Variants in PDE4B observed in about 807,000 individuals in gnomAD.
PDE4B encodes 3',5'-cyclic-AMP phosphodiesterase 4B.
In PDE4B, 20 loss-of-function variants were observed where a neutral mutation model predicts 82.2. That is an observed-to-expected ratio of 0.24 (90% CI 0.17 to 0.35). The LOEUF is 0.35. Ranked by LOEUF, PDE4B falls within the 10% of genes least tolerant of loss-of-function variation. The pLI, the probability that PDE4B is intolerant of heterozygous loss-of-function variation, is 1.00. For synonymous variants in PDE4B, 320 were observed against 318.9 expected (o/e 1.00, Z -0.04); for missense variants, 655 against 907.2 (o/e 0.72, Z 3.57).
At chr1:66,121,315 A>G (rs564228843) in intron 3 of PDE4B, among the ~76,000 whole-genome samples, 18 of 152,264 alleles carry the variant, frequency 1.2e-4, no homozygotes, top group African/African-American at 3.6e-4. Context: ...AAAATGGTAG[A>G]ATTTGCTCCA....
chr1:66,058,472 C>T (rs1655417630), intron 3 of PDE4B, among the ~76,000 whole-genome samples: 1 of 152,266 alleles, frequency 6.6e-6, no homozygotes. Flanking sequence ...CCCTTCTACA[C>T]TGGCCTAGCA....
intron 3 of PDE4B, among the ~76,000 whole-genome samples, chr1:66,034,295 A>T (rs554313016): frequency 6.6e-6 from 1 of 152,260 alleles, no homozygotes; most frequent in Non-Finnish European, 1.5e-5. Flanking sequence ...TTAAATAACA[A>T]GTAGTTGAAA....
intron 3 of PDE4B, among the ~76,000 whole-genome samples, chr1:66,076,336 G>A (rs963252122): frequency 6.6e-6 from 1 of 152,090 alleles, no homozygotes; most frequent in Non-Finnish European, 1.5e-5. Context: ...CTGCATCTAC[G>A]TTGCTGCAAA....
chr1:66,059,315 C>G (rs565593790), intron 3 of PDE4B, among the ~76,000 whole-genome samples: 1 of 152,292 alleles, frequency 6.6e-6, no homozygotes, highest in South Asian at 2.1e-4. Flanking sequence ...TTGTCTTCTT[C>G]TGAGCCCACC....
chr1:65,824,380 G>A (rs1645990989), intron 1 of PDE4B, among the ~76,000 whole-genome samples: 1 of 151,982 alleles, frequency 6.6e-6, no homozygotes, highest in Non-Finnish European at 1.5e-5. Flanking sequence ...ATGAAAAACA[G>A]TAATATTTTA....
intron 3 of PDE4B, among the ~76,000 whole-genome samples, chr1:66,146,572 T>G (rs1180599804): frequency 2.6e-5 from 4 of 152,152 alleles, no homozygotes; most frequent in African/African-American, 9.7e-5. Context: ...ACAACTCCAC[T>G]GTTCAAATCA....
At chr1:66,169,186 T>C (rs11805090) in intron 3 of PDE4B, among the ~76,000 whole-genome samples, 13,994 of 152,216 alleles carry the variant, frequency 0.092, 1,425 homozygotes, top group African/African-American at 0.24. Context: ...GAGTATAATT[T>C]GTCACTCTGG....
Position 65,869,178 on chromosome 1 carries a change from T to C in PDE4B, c.-70-44067T>C, listed in dbSNP as rs1255995073. Among the ~76,000 whole-genome samples, 14 of 152,346 alleles carry C rather than the reference T, an allele frequency of 9.2e-5. No homozygotes were observed. In the South Asian group the frequency reaches 2.5e-3, roughly 27 times the overall value. ...GTAGGCATGTAATGCAGTTAAATCA[T>C]TGTCCGTTTCAGATACAATCTATCC... On this transcript the variant is annotated intron_variant, in intron 1 of 16. Coordinates refer to ENST00000341517, the MANE Select transcript of PDE4B (RefSeq NM_002600.4).
intron 13 of PDE4B, among the ~76,000 whole-genome samples, chr1:66,366,276 T>C (rs756305114): frequency 6.6e-6 from 1 of 152,070 alleles, no homozygotes; most frequent in Non-Finnish European, 1.5e-5. Flanking sequence ...GTTCCATACA[T>C]TTTCTTCCAA....
chr1:66,005,960 T>A (rs989467805), intron 3 of PDE4B, among the ~76,000 whole-genome samples: 1 of 152,152 alleles, frequency 6.6e-6, no homozygotes, highest in Non-Finnish European at 1.5e-5. Flanking sequence ...ACCTTATGTA[T>A]TATAGTATGA....
chr1:66,337,712 T>C (rs1660640662), intron 8 of PDE4B, among the ~76,000 whole-genome samples: 1 of 152,206 alleles, frequency 6.6e-6, no homozygotes, highest in African/African-American at 2.4e-5. Context: ...ATATTTAGAC[T>C]TACAGTGTGT....
chr1:66,010,725 T>G (rs1652436138), intron 3 of PDE4B, among the ~76,000 whole-genome samples: 1 of 150,446 alleles, frequency 6.6e-6, no homozygotes, highest in Non-Finnish European at 1.5e-5. Flanking sequence ...TGACATCATG[T>G]GATGCCATAC....
At chr1:65,908,906 A>T (rs1275251082) in intron 1 of PDE4B, among the ~76,000 whole-genome samples, 1 of 152,180 alleles carries the variant, frequency 6.6e-6, no homozygotes, top group Non-Finnish European at 1.5e-5. Flanking sequence ...CCCTCTTGTC[A>T]TTAGTTCTTC....
chr1:65,817,322 A>G (rs1645897916), intron 1 of PDE4B, among the ~76,000 whole-genome samples: 1 of 152,160 alleles, frequency 6.6e-6, no homozygotes. Flanking sequence ...TGTAGCTTTC[A>G]TTGGTGGCAG....
intron 3 of PDE4B, among the ~76,000 whole-genome samples, chr1:66,091,955 A>G (rs1019149766): frequency 3.3e-5 from 5 of 152,084 alleles, no homozygotes; most frequent in Admixed American, 3.3e-4. Context: ...ACCAAAGAAG[A>G]AATATAAATT....
intron 8 of PDE4B, among the ~76,000 whole-genome samples, chr1:66,345,588 C>A (rs1661333557): frequency 6.6e-6 from 1 of 152,192 alleles, no homozygotes; most frequent in African/African-American, 2.4e-5. Context: ...GCTGTAGACA[C>A]ATGGTAGGCA....
chr1:65,988,901 A>T (rs1405052674), intron 3 of PDE4B, among the ~76,000 whole-genome samples: 1 of 152,176 alleles, frequency 6.6e-6, no homozygotes, highest in Admixed American at 6.6e-5. Context: ...TATAAAAAGT[A>T]TGTAATTATT....
intron 3 of PDE4B, among the ~76,000 whole-genome samples, chr1:66,144,208 T>C (rs936275588): frequency 1.3e-5 from 2 of 152,236 alleles, no homozygotes; most frequent in South Asian, 2.1e-4. Context: ...TTTTTTTCCA[T>C]TGAAGAACTG....
intron 3 of PDE4B, among the ~76,000 whole-genome samples, chr1:66,105,925 C>T (rs1416733034): frequency 6.6e-6 from 1 of 151,976 alleles, no homozygotes; most frequent in Non-Finnish European, 1.5e-5. Context: ...ATTGAATACC[C>T]TTTATTTCCT....
Sources: allele counts gnomAD v4.1 joint callset (sites outside exome capture counted in the v4.1 genomes callset), GRCh38; gene constraint gnomAD v4.1.1; transcripts MANE v1.5; gene names NCBI Gene and HGNC (gene_info 2026-07-23, HGNC 2026-07-21).